The following SIPA1L1 variants were observed in gnomAD, a reference collection of about 807,000 sequenced individuals.
SIPA1L1 encodes signal-induced proliferation-associated 1-like protein 1.
SIPA1L1 carries 26 observed loss-of-function variants against 162.7 expected under a neutral mutation model. That is an observed-to-expected ratio of 0.16 (90% CI 0.12 to 0.22). The LOEUF is 0.22. Ranked by LOEUF, SIPA1L1 falls within the 10% of genes least tolerant of loss-of-function variation. SIPA1L1 has a pLI of 1.00. For synonymous variants in SIPA1L1, 829 were observed against 837.4 expected (o/e 0.99, Z 0.17); for missense variants, 1,874 against 2,241.0 (o/e 0.84, Z 3.31).
intron 3 of SIPA1L1, among the ~76,000 whole-genome samples, chr14:71,520,972 T>G (rs532328626): frequency 6.6e-6 from 1 of 152,294 alleles, no homozygotes; most frequent in South Asian, 2.1e-4. Flanking sequence ...CAGTCTGGTC[T>G]CGAACTCCTG....
intron 15 of SIPA1L1, 102 bp from the exon 16 acceptor site, chr14:71,705,120 G>C (rs1313817562): frequency 2.4e-6 from 2 of 817,438 alleles, no homozygotes; most frequent in Non-Finnish European, 4.2e-6. Flanking sequence ...AGAGTTTGCT[G>C]GTCAGTGAAC....
At chr14:71,681,787 C>T (rs1020309546) in intron 12 of SIPA1L1, among the ~76,000 whole-genome samples, 2 of 151,968 alleles carry the variant, frequency 1.3e-5, no homozygotes, top group South Asian at 2.1e-4. Flanking sequence ...TCTCTATATT[C>T]CACAGGGTCT....
intron 13 of SIPA1L1, among the ~76,000 whole-genome samples, chr14:71,695,599 A>G (rs1407523756): frequency 6.6e-6 from 1 of 152,224 alleles, no homozygotes; most frequent in Non-Finnish European, 1.5e-5. Flanking sequence ...TAAACATTTT[A>G]ACGTTCACCG....
intron 22 of SIPA1L1, among the ~76,000 whole-genome samples, chr14:71,736,033 C>T (rs1019445273): frequency 2.0e-5 from 3 of 152,164 alleles, no homozygotes; most frequent in Non-Finnish European, 4.4e-5. Flanking sequence ...TCCCATCAGT[C>T]AGGTATGGAA....
Position 71,709,670 on chromosome 14 carries a change from C to T in SIPA1L1, c.4208+6C>T, listed in dbSNP as rs1204503059. On this transcript the variant is annotated splice_donor_region_variant and intron_variant, in intron 17 of 23. Coordinates refer to ENST00000381232, the MANE Select transcript of SIPA1L1 (RefSeq NM_001386936.1). ...GATGCTGCTTCCCACACAAGGTAAC[C>T]ACCCTTCCCCGCTGTCTGATTCCCA... is the stretch of plus-strand genomic sequence containing the variant. 1 of 1,603,996 alleles carries T rather than the reference C, an allele frequency of 6.2e-7. No individual in the cohort carries two copies. Among genetic ancestry groups the T allele is most frequent in the African/African-American group, 1.3e-5 (1 of 74,754 alleles).
intron 2 of SIPA1L1, among the ~76,000 whole-genome samples, chr14:71,457,301 ATTT>A (rs34181116): frequency 1.3e-4 from 18 of 139,776 alleles, no homozygotes; most frequent in Non-Finnish European, 2.2e-4. Flanking sequence ...TGCAATGAAC[ATTT>A]TTTTTTTTTT....
At chr14:71,351,613 T>A (rs1399774568) in intron 2 of SIPA1L1, among the ~76,000 whole-genome samples, 4 of 108,374 alleles carry the variant, frequency 3.7e-5, no homozygotes, top group Non-Finnish European at 6.2e-5. Context: ...CTAATACGGT[T>A]TATTATTACC....
intron 2 of SIPA1L1, among the ~76,000 whole-genome samples, chr14:71,505,376 C>T (rs979977609): frequency 2.7e-5 from 4 of 150,244 alleles, no homozygotes; most frequent in African/African-American, 2.4e-5. Context: ...GAAAACTTAC[C>T]GTTACTGCTG....
chr14:71,564,361 T>C (rs540286754), intron 4 of SIPA1L1, among the ~76,000 whole-genome samples: 3 of 151,746 alleles, frequency 2.0e-5, no homozygotes, highest in Admixed American at 6.6e-5. Context: ...TTTTTTCTTT[T>C]TCTTCTTTTT....
intron 15 of SIPA1L1, among the ~76,000 whole-genome samples, chr14:71,703,662 G>A (rs1343461018): frequency 1.3e-5 from 2 of 152,168 alleles, no homozygotes; most frequent in South Asian, 2.1e-4. Flanking sequence ...AGATGGTAAC[G>A]ACACATGTGA....
chr14:71,521,001 G>A lies in SIPA1L1; in HGVS notation c.-362+8156G>A, dbSNP rs1263022415. 6.6e-5 allele frequency among the ~76,000 whole-genome samples: 10 copies of A among 152,278 alleles called. No individual in the cohort carries two copies. In the East Asian group the frequency reaches 1.9e-3, roughly 29 times the overall value. On this transcript the variant is annotated intron_variant, in intron 3 of 23. Transcript: ENST00000381232. ...ACTCCTGGACTCATGCAGTCTGCCT[G>A]CCTCAGCCTCCCAAAGTGCTGGGAT...
At chr14:71,441,826 A>G (rs966567921) in intron 2 of SIPA1L1, among the ~76,000 whole-genome samples, 2 of 152,150 alleles carry the variant, frequency 1.3e-5, no homozygotes, top group African/African-American at 4.8e-5. Flanking sequence ...AATGTTAGTA[A>G]CACTTTAAAG....
intron 4 of SIPA1L1, among the ~76,000 whole-genome samples, chr14:71,538,380 GC>G (rs1357939433): frequency 2.0e-5 from 3 of 152,138 alleles, no homozygotes; most frequent in Non-Finnish European, 4.4e-5. Context: ...GTGGTATGGA[GC>G]CACAGCTTGG....
chr14:71,549,802 C>T (rs1031227958), intron 4 of SIPA1L1, among the ~76,000 whole-genome samples: 1 of 152,162 alleles, frequency 6.6e-6, no homozygotes, highest in African/African-American at 2.4e-5. Flanking sequence ...TGTATTTCTT[C>T]CTCAATAGTG....
At chr14:71,553,616 A>G (rs1463420845) in intron 4 of SIPA1L1, among the ~76,000 whole-genome samples, 1 of 152,236 alleles carries the variant, frequency 6.6e-6, no homozygotes, top group Non-Finnish European at 1.5e-5. Context: ...CAGACCTGTG[A>G]ATTGATATTC....
chr14:71,730,015 C>T (rs376539358), intron 19 of SIPA1L1, 40 bp from the exon 20 acceptor site: 2 of 1,593,640 alleles, frequency 1.3e-6, no homozygotes, highest in Non-Finnish European at 1.7e-6. Flanking sequence ...GGATCTGAAC[C>T]AGAAAATTGA....
rs139641177 is a variant in SIPA1L1 at position 71,481,666 on chromosome 14, G to A, written c.-464-31077G>A. Reference sequence around the variant, plus strand: ...GTGGATTCCTAGTGAAAACAACTACGTGGTCTAAAAATTAGCTAATTTATT... The same window carrying A: ...GTGGATTCCTAGTGAAAACAACTACATGGTCTAAAAATTAGCTAATTTATT... On this transcript the variant is annotated intron_variant, in intron 2 of 23. Transcript: ENST00000381232. Among the ~76,000 whole-genome samples the A allele has an allele frequency of 8.8e-4, 134 of 152,320 alleles. 1 individual carries two copies. The East Asian group carries it at 0.02, about 23-fold the overall frequency.
At chr14:71,363,520 C>T (rs1282126081) in intron 2 of SIPA1L1, among the ~76,000 whole-genome samples, 1 of 152,084 alleles carries the variant, frequency 6.6e-6, no homozygotes, top group Non-Finnish European at 1.5e-5. Flanking sequence ...AAACAACTAC[C>T]TAATTTGCCT....
At chr14:71,392,777 C>T (rs950826998) in intron 2 of SIPA1L1, among the ~76,000 whole-genome samples, 1 of 152,208 alleles carries the variant, frequency 6.6e-6, no homozygotes, top group Admixed American at 6.5e-5. Flanking sequence ...TCGTGATCTG[C>T]CCGTCTCGGC....
Sources: gnomAD v4.1 joint callset for allele counts (sites outside exome capture counted in the v4.1 genomes callset) on GRCh38, gnomAD v4.1.1 for gene constraint, MANE v1.5 for transcripts, NCBI Gene and HGNC (gene_info 2026-07-23, HGNC 2026-07-21) for gene names.